PAH: variants seen among roughly 807,000 people sequenced by gnomAD.
PAH encodes phenylalanine-4-hydroxylase.
PAH carries 64 observed loss-of-function variants against 62.0 expected under a neutral mutation model. The ratio of observed to expected loss-of-function variants is 1.03; its 90% CI spans 0.84 to 1.27. The LOEUF (loss-of-function observed/expected upper bound fraction) is 1.27, where lower values mean the gene tolerates loss of function less well. PAH is among the 50% of genes most tolerant of loss of function. The probability of loss-of-function intolerance (pLI) is 0.00; values close to 1 mark genes in which losing one functional copy is unlikely to be tolerated. For missense variants in PAH, 579 were observed against 542.8 expected (o/e 1.07, Z -0.66); for synonymous variants, 195 against 196.2 (o/e 0.99, Z 0.05).
At chr12:102,899,613 A>G (rs536033116) in intron 2 of PAH, among the ~76,000 whole-genome samples, 1 of 151,948 alleles carries the variant, frequency 6.6e-6, no homozygotes, top group East Asian at 1.9e-4. Context: ...TAATCCCAGC[A>G]CTTTGGGAGG....
chr12:102,949,876 C>T (rs1388919948), intron 1 of PAH, among the ~76,000 whole-genome samples: 2 of 152,182 alleles, frequency 1.3e-5, no homozygotes, highest in Admixed American at 6.5e-5. Context: ...TATACATCTG[C>T]TTTAATGTCT....
upstream of PAH, among the ~76,000 whole-genome samples, chr12:102,918,542 G>C (rs1878471989): frequency 6.7e-6 from 1 of 149,758 alleles, no homozygotes; most frequent in African/African-American, 2.5e-5. Flanking sequence ...CCACTGATTT[G>C]GTCAAGCCCA....
chr12:102,866,262 G>C (rs1326015558), intron 5 of PAH, among the ~76,000 whole-genome samples: 1 of 152,124 alleles, frequency 6.6e-6, no homozygotes, highest in Non-Finnish European at 1.5e-5. Flanking sequence ...ATGTAGAGAA[G>C]ACCGGAGGCT....
chr12:102,947,481 GTCA>G (rs1461080812), intron 1 of PAH, among the ~76,000 whole-genome samples: 3 of 152,184 alleles, frequency 2.0e-5, no homozygotes, highest in Non-Finnish European at 4.4e-5. Context: ...GAATTTGAGA[GTCA>G]TCAGCAGAAG....
chr12:102,868,991 T>A (rs1187133393), intron 4 of PAH, among the ~76,000 whole-genome samples: 1 of 152,200 alleles, frequency 6.6e-6, no homozygotes, highest in East Asian at 1.9e-4. Context: ...ATGAAGCCCA[T>A]GGAGCCATTT....
chr12:102,957,254 T>C lies in PAH; in HGVS notation c.-96+941A>G, dbSNP rs1308010277. The stretch of plus-strand genomic sequence containing the variant: ...CCTGCGCTTTGCTTCAAGTTCTTAG[T>C]AGAATCCAAGAGAGCTTCACCCCAA... On this transcript the variant is annotated intron_variant, in intron 1 of 4. Coordinates refer to the PAH transcript ENST00000551337. This position sits in a 1 kb window ranked among gnomAD's most constrained non-coding sequence, Gnocchi z 4.1. 6.6e-6 allele frequency among the ~76,000 whole-genome samples: 1 copy of C among 152,146 alleles called. No homozygotes were observed. The highest frequency in any genetic ancestry group is 2.4e-5 in the African/African-American group (1 of 41,432).
At chr12:102,945,380 G>A (rs1457636954) in intron 1 of PAH, among the ~76,000 whole-genome samples, 2 of 152,246 alleles carry the variant, frequency 1.3e-5, no homozygotes, top group Admixed American at 1.3e-4. Flanking sequence ...TCCAGAGATG[G>A]AAGCCCATAC....
At chr12:102,901,233 C>T (rs3913258) in intron 2 of PAH, among the ~76,000 whole-genome samples, 69,027 of 152,108 alleles carry the variant, frequency 0.45, 18,441 homozygotes, top group African/African-American at 0.74. Flanking sequence ...ATCTTATTCA[C>T]TGACAAGAGA....
chr12:102,867,870 TGTATATATACATGTATATACATATATAG>T lies in PAH; in HGVS notation c.442-1235_442-1208del, dbSNP rs1876051999. On this transcript the variant is annotated intron_variant, in intron 4 of 12. Coordinates refer to ENST00000553106, the MANE Select transcript of PAH (RefSeq NM_000277.3). The stretch of plus-strand genomic sequence containing the variant: ...CTCTCTATGTATATACATATATAGA[TGTATATATACATGTATATACATATATAG>T]ATGTATATATACATGTATATACATA... Among the ~76,000 whole-genome samples, 15 of 139,732 alleles carry T rather than the reference TGTATATATACATGTATATACATATATAG, an allele frequency of 1.1e-4. No individual in the cohort carries two copies. In the South Asian group the frequency reaches 1.9e-3, roughly 18 times the overall value. 91.7% of individuals were successfully genotyped at this position (139,732 alleles called of 152,430 possible). A position where few individuals can be genotyped will look rare whatever the true frequency, so the allele number is the denominator to read the frequency against.
intron 3 of PAH, among the ~76,000 whole-genome samples, chr12:102,890,482 A>C (rs1877231136): frequency 6.6e-6 from 1 of 152,214 alleles, no homozygotes; most frequent in African/African-American, 2.4e-5. Flanking sequence ...TTCTTGGCAG[A>C]TGCCAGGTCG....
chr12:102,859,287 C>A (rs952553266), intron 5 of PAH, among the ~76,000 whole-genome samples: 6 of 152,164 alleles, frequency 3.9e-5, no homozygotes, highest in African/African-American at 1.4e-4. Context: ...GAAGTTGAAT[C>A]CCTGAATAGA....
At chr12:102,883,352 T>C (rs1876900289) in intron 3 of PAH, among the ~76,000 whole-genome samples, 1 of 152,140 alleles carries the variant, frequency 6.6e-6, no homozygotes, top group Admixed American at 6.6e-5. Flanking sequence ...GTGCACCACC[T>C]TGACTCAGGG....
At chr12:102,921,215 A>G (rs926351630), upstream of PAH, among the ~76,000 whole-genome samples, 2 of 152,198 alleles carry the variant, frequency 1.3e-5, no homozygotes, top group Non-Finnish European at 2.9e-5. Flanking sequence ...TGCCAATCTG[A>G]TCAGCATAAG....
rs1342593691 is a variant in PAH at position 102,839,238 on chromosome 12, C to G, written c.1316-20G>C. The G allele has an allele frequency of 1.2e-6, 2 of 1,612,698 alleles. No homozygotes were observed. The highest frequency in any genetic ancestry group is 2.2e-5 in the South Asian group (2 of 91,062). On this transcript the variant is annotated intron_variant, in intron 12 of 12. Coordinates refer to ENST00000553106, the MANE Select transcript of PAH (RefSeq NM_000277.3). ...TTTCACCTACAAAGAAAAACACCAT[C>G]AAAATGGGCCACTTGTATAATAAGC...
At chr12:102,862,185 A>G (rs1388317012) in intron 5 of PAH, among the ~76,000 whole-genome samples, 1 of 152,240 alleles carries the variant, frequency 6.6e-6, no homozygotes, top group Non-Finnish European at 1.5e-5. Context: ...TGGATAAAGA[A>G]AATGTTGTAC....
intron 2 of PAH, among the ~76,000 whole-genome samples, chr12:102,899,838 G>T (rs1451741206): frequency 1.2e-5 from 1 of 80,660 alleles, no homozygotes; most frequent in Non-Finnish European, 2.1e-5. Context: ...CAGCCTGGGC[G>T]ACAGAGCGAG....
At chr12:102,890,129 G>GA (rs1402827142) in intron 3 of PAH, among the ~76,000 whole-genome samples, 1 of 152,122 alleles carries the variant, frequency 6.6e-6, no homozygotes, top group Non-Finnish European at 1.5e-5. Flanking sequence ...TTAAGAAACT[G>GA]AAAAACTTTT....
intron 2 of PAH, among the ~76,000 whole-genome samples, chr12:102,901,751 G>GT (rs1348252538): frequency 6.6e-6 from 1 of 152,138 alleles, no homozygotes; most frequent in Non-Finnish European, 1.5e-5. Flanking sequence ...TATTTCAGAG[G>GT]TTGCTGGGGA....
chr12:102,942,989 A>G lies in PAH; in HGVS notation c.-96+7600T>C, dbSNP rs117429837. ...AGAACCCTAGAAGAAAACCTATGAA[A>G]TACCATTCTGGACATCAGCGCTACA... On this transcript the variant is annotated intron_variant, in intron 1 of 3. Coordinates refer to the PAH transcript ENST00000546844. Among the ~76,000 whole-genome samples, 9 of 152,248 alleles carry G rather than the reference A, an allele frequency of 5.9e-5. No individual in the cohort carries two copies. In the East Asian group the frequency reaches 1.7e-3, roughly 29 times the overall value.
Sources: allele counts gnomAD v4.1 joint callset (sites outside exome capture counted in the v4.1 genomes callset), GRCh38; gene constraint gnomAD v4.1.1; non-coding constraint Gnocchi (gnomAD v3.1); transcripts MANE v1.5; gene names NCBI Gene and HGNC (gene_info 2026-07-23, HGNC 2026-07-21).